Variants in ACACA observed in about 807,000 individuals in gnomAD.
The protein encoded by ACACA is acetyl-CoA carboxylase alpha, also known as acetyl-CoA carboxylase 1.
A neutral mutation model predicts 296.1 loss-of-function variants in ACACA; 103 were observed. The observed-to-expected ratio is 0.35, with a 90% CI of 0.30 to 0.41. The LOEUF (loss-of-function observed/expected upper bound fraction) is 0.41. ACACA is among the 10% of genes least tolerant of loss of function. ACACA has a pLI of 1.00. For synonymous variants in ACACA, 953 were observed against 1,038.6 expected, an observed-to-expected ratio of 0.92 and a Z score of 1.58; for missense variants, 1,554 against 2,989.7, an observed-to-expected ratio of 0.52 and a Z score of 11.20.
At chr17:37,353,790 T>C (rs1034683721) in intron 1 of ACACA, among the ~76,000 whole-genome samples, 1 of 152,030 alleles carries the variant, frequency 6.6e-6, no homozygotes, top group Admixed American at 6.6e-5. Context: ...GTCTGTTTTT[T>C]TAAACTTCAT....
intron 1 of ACACA, among the ~76,000 whole-genome samples, chr17:37,361,151 GC>G (rs2049392292): frequency 6.6e-6 from 1 of 150,646 alleles, no homozygotes; most frequent in South Asian, 2.1e-4. Flanking sequence ...CCATTCTCCT[GC>G]CTCAGCCTCC....
chr17:37,151,427 G>A lies in ACACA; in HGVS notation c.5448-6C>T, dbSNP rs758202488. The A allele has an allele frequency of 1.2e-6, 2 of 1,613,370 alleles. No individual in the cohort carries two copies. Among genetic ancestry groups the A allele is most frequent in the Admixed American group, 3.3e-5 (2 of 60,016 alleles). On this transcript the variant is annotated splice_polypyrimidine_tract_variant and splice_region_variant and intron_variant, in intron 43 of 55. Coordinates refer to ENST00000616317, the MANE Select transcript of ACACA (RefSeq NM_198834.3). ...TAATATCTGTTATCTTGTACCTATT[G>A]GATATGGCCATGTCAAATTATGAAT...
intron 1 of ACACA, chr17:37,376,143 C>A: frequency 6.2e-7 from 1 of 1,610,780 alleles, no homozygotes; most frequent in South Asian, 1.1e-5. Context: ...ATGATGCCAA[C>A]AAGAAAGGTA....
chr17:37,266,522 T>G (rs918661894), intron 10 of ACACA, among the ~76,000 whole-genome samples: 3 of 152,066 alleles, frequency 2.0e-5, no homozygotes, highest in Admixed American at 2.0e-4. Context: ...GGTAATTTAT[T>G]AGCTACTACC....
intron 3 of ACACA, chr17:37,299,778 G>A (rs1200064843): frequency 1.4e-5 from 14 of 996,882 alleles, no homozygotes; most frequent in Non-Finnish European, 1.7e-5. Context: ...AGGAGCACAT[G>A]ACAGGGAAAG....
In ACACA at chr17:37,105,637, G is replaced by A. The variant is rs559159594; in HGVS notation, c.6565+5894C>T. 8.5e-4 allele frequency among the ~76,000 whole-genome samples: 130 copies of A among 152,170 alleles called. 1 individual carries two copies. Among genetic ancestry groups the A allele is most frequent in the African/African-American group, 2.8e-3 (117 of 41,520 alleles). On this transcript the variant is annotated intron_variant, in intron 52 of 55. Transcript: ENST00000616317. ...CCCAACACTTTAGGAGGCCGAGGCG[G>A]GCGGATCACCTGAGGTCGGGAGTTC...
In ACACA at chr17:37,274,709, G is replaced by A. The variant is rs942267198; in HGVS notation, c.902-410C>T. 2.2e-5 allele frequency: 22 copies of A among 980,802 alleles called. No homozygotes were observed. In the Admixed American group the frequency reaches 2.5e-4, roughly 11 times the overall value. 60.8% of individuals were successfully genotyped at this position (980,802 alleles called of 1,614,324 possible). A position where few individuals can be genotyped will look rare whatever the true frequency, so the allele number is the denominator to read the frequency against. The stretch of plus-strand genomic sequence containing the variant: ...ATGAGCCCTTGGAAATAGAAATGGC[G>A]GTTTTATTGGCCTCAGCAGAGTCAT... On this transcript the variant is annotated intron_variant, in intron 8 of 55. Coordinates refer to ENST00000616317, the MANE Select transcript of ACACA (RefSeq NM_198834.3).
intron 41 of ACACA, among the ~76,000 whole-genome samples, chr17:37,166,958 T>C (rs1371498123): frequency 6.6e-6 from 1 of 152,094 alleles, no homozygotes; most frequent in African/African-American, 2.4e-5. Context: ...ACTTATTTTT[T>C]TTTTGAGATG....
intron 1 of ACACA, among the ~76,000 whole-genome samples, chr17:37,349,378 C>CAT (rs147882161): frequency 0.036 from 5,179 of 143,156 alleles, 77 homozygotes; most frequent in Middle Eastern, 0.081. Flanking sequence ...CATATTCTTA[C>CAT]ATATATATAT....
chr17:37,292,037 A>G, intron 3 of ACACA, among the ~76,000 whole-genome samples: 1 of 152,104 alleles, frequency 6.6e-6, no homozygotes, highest in East Asian at 1.9e-4. Context: ...ATATTCAATT[A>G]AAAATGTGCT....
In ACACA at chr17:37,274,221, T is replaced by A; in HGVS notation, c.980A>T (p.Tyr327Phe). 3 of 1,614,118 alleles carry A rather than the reference T, an allele frequency of 1.9e-6. No homozygotes were observed. The highest frequency in any genetic ancestry group is 1.1e-5 in the South Asian group (1 of 91,080). Residue 327 changes from tyrosine (Y) to phenylalanine (F), a missense_variant, in exon 9 of 56, where the codon TAT becomes TTT. By Grantham distance (22) the Tyr-to-Phe change is conservative. Transcript: ENST00000616317. ...TAGCCCATCATCCACATCTTTCACA[T>A]AACCTTTTTCATATAGCTCCTGGGG... ...NVPQELYEKGYVKDVDDGLQA... is the reference protein window; with the variant it reads ...NVPQELYEKGFVKDVDDGLQA...
chr17:37,283,825 A>G (rs1454261805), intron 4 of ACACA, among the ~76,000 whole-genome samples: 1 of 152,240 alleles, frequency 6.6e-6, no homozygotes, highest in Non-Finnish European at 1.5e-5. Flanking sequence ...AGCACTGAAC[A>G]TGTTTAAAAA....
intron 3 of ACACA, among the ~76,000 whole-genome samples, chr17:37,307,666 A>C (rs1273448101): frequency 6.6e-6 from 1 of 152,030 alleles, no homozygotes; most frequent in Non-Finnish European, 1.5e-5. Context: ...AGCTCACTGC[A>C]ACCTCCACCT....
chr17:37,118,334 T>C (rs1482896736), intron 50 of ACACA, among the ~76,000 whole-genome samples: 2 of 152,230 alleles, frequency 1.3e-5, no homozygotes, highest in Non-Finnish European at 1.5e-5. Flanking sequence ...TGGGTGTAGA[T>C]ACCAGTGATA....
intron 38 of ACACA, among the ~76,000 whole-genome samples, chr17:37,190,400 C>T (rs897301275): frequency 1.1e-4 from 17 of 151,762 alleles, no homozygotes; most frequent in Middle Eastern, 3.4e-3. Flanking sequence ...ACTGCTTCAG[C>T]CTGGGCAACA....
chr17:37,246,966 T>A lies in ACACA; in HGVS notation c.2320A>T (p.Thr774Ser). ...AACACACAGGTTTTATTGCCAATTG[T>A]GATGCGATATCTAGGAGACAAGTGG... Reference protein sequence around the residue: ...MKEEVDRYRITIGNKTCVFEK... With the variant: ...MKEEVDRYRISIGNKTCVFEK... Residue 774 changes from threonine (T) to serine (S), a missense_variant, in exon 19 of 56, where the codon ACA (threonine) becomes TCA (serine). By Grantham distance (58) the Thr-to-Ser change is moderately conservative. Coordinates refer to ENST00000616317, the MANE Select transcript of ACACA (RefSeq NM_198834.3). The A allele has an allele frequency of 6.2e-7, 1 of 1,614,098 alleles. No homozygotes were observed. The highest frequency in any genetic ancestry group is 8.5e-7 in the Non-Finnish European group (1 of 1,180,016).
intron 3 of ACACA, among the ~76,000 whole-genome samples, chr17:37,326,450 G>A (rs2047626174): frequency 2.0e-5 from 3 of 151,926 alleles, no homozygotes; most frequent in African/African-American, 7.3e-5. Flanking sequence ...AGAATCTCTT[G>A]AACCCGGGAG....
In ACACA at chr17:37,372,490, T is replaced by C. The variant is rs898698595; in HGVS notation, c.39-32640A>G. On this transcript the variant is annotated intron_variant, in intron 1 of 55. Coordinates refer to ENST00000616317, the MANE Select transcript of ACACA (RefSeq NM_198834.3). ...GCTAGAAGAGGCCTTGTAAGCCATT[T>C]TGTCTAACCACCTCATTACAGAAAC... Among the ~76,000 whole-genome samples the C allele has an allele frequency of 7.2e-5, 11 of 151,976 alleles. 1 individual carries two copies. The highest frequency in any genetic ancestry group is 2.7e-4 in the African/African-American group (11 of 41,362).
In ACACA at chr17:37,274,318, A is replaced by G. The variant is rs2146447332; in HGVS notation, c.902-19T>C. On this transcript the variant is annotated intron_variant, in intron 8 of 55. Coordinates refer to ENST00000616317, the MANE Select transcript of ACACA (RefSeq NM_198834.3). ...CGAAGACCTGCAACAGACAATAGCA[A>G]CTTAGGGCAATTACAAGATCTTCTG... 1.3e-6 allele frequency: 2 copies of G among 1,586,914 alleles called. No individual in the cohort carries two copies. Among genetic ancestry groups the G allele is most frequent in the South Asian group, 2.2e-5 (2 of 90,506 alleles).
Sources: allele counts gnomAD v4.1 joint callset (sites outside exome capture counted in the v4.1 genomes callset), GRCh38; gene constraint gnomAD v4.1.1; transcripts MANE v1.5; gene names NCBI Gene and HGNC (gene_info 2026-07-23, HGNC 2026-07-21).